CASK: variants seen among roughly 807,000 people sequenced by gnomAD.
CASK encodes calcium/calmodulin dependent serine protein kinase.
In CASK, 4 loss-of-function variants were observed where a neutral mutation model predicts 82.9. The observed-to-expected ratio is 0.05, with a 90% CI of 0.02 to 0.11. The LOEUF (loss-of-function observed/expected upper bound fraction) is 0.11, where lower values mean the gene tolerates loss of function less well. Among genes scored for constraint, CASK ranks in the 10% least tolerant of loss-of-function variants. CASK has a pLI of 1.00. For missense variants in CASK, 358 were observed against 720.9 expected (o/e 0.50, Z 5.76); for synonymous variants, 259 against 253.5 (o/e 1.02, Z -0.20).
chrX:41,882,680 G>A (rs2071973673), intron 1 of CASK, among the ~76,000 whole-genome samples: 1 of 111,141 alleles, frequency 9.0e-6, no homozygotes, highest in South Asian at 3.8e-4. Context: ...ATGAGGACTG[G>A]AACCCAGACC....
chrX:41,881,245 T>C (rs776132498), intron 1 of CASK, among the ~76,000 whole-genome samples: 10 of 111,694 alleles, frequency 9.0e-5, no homozygotes, highest in Admixed American at 1.9e-4. Flanking sequence ...TGCAGTATAC[T>C]AGTAGAAAGA....
intron 16 of CASK, among the ~76,000 whole-genome samples, chrX:41,569,441 A>G (rs1456575920): frequency 9.0e-6 from 1 of 111,614 alleles, no homozygotes. Flanking sequence ...ATGATTTTAA[A>G]AGATTCTTTA....
At chrX:41,574,211 C>T (rs963339825) in intron 15 of CASK, among the ~76,000 whole-genome samples, 3 of 110,676 alleles carry the variant, frequency 2.7e-5, no homozygotes, top group Admixed American at 9.7e-5. Context: ...TTGCTTTGGT[C>T]ACCCCAGACT....
chrX:41,702,246 G>A (rs1247239841), intron 5 of CASK, among the ~76,000 whole-genome samples: 1 of 105,190 alleles, frequency 9.5e-6, no homozygotes, highest in African/African-American at 3.5e-5. Flanking sequence ...TTAGCCAGGC[G>A]TGGTGGCGCA....
At chrX:41,680,240 T>C (rs985621396) in intron 5 of CASK, among the ~76,000 whole-genome samples, 1 of 108,914 alleles carries the variant, frequency 9.2e-6, no homozygotes. Flanking sequence ...TCTCAGCACT[T>C]TGGGAAGCCG....
At chrX:41,824,297 C>T (rs916242905) in intron 2 of CASK, among the ~76,000 whole-genome samples, 1 of 112,269 alleles carries the variant, frequency 8.9e-6, no homozygotes, top group Non-Finnish European at 1.9e-5. Context: ...ACAATCTCTC[C>T]ACTCCTCATG....
chrX:41,814,785 A>G (rs897076266), intron 2 of CASK, among the ~76,000 whole-genome samples: 1 of 112,306 alleles, frequency 8.9e-6, no homozygotes, highest in Non-Finnish European at 1.9e-5. Flanking sequence ...AGGGAAAAAA[A>G]GAGCTTCTAA....
At chrX:41,570,909 C>T (rs1033483936) in intron 15 of CASK, 4 of 111,751 alleles carry the variant, frequency 3.6e-5, no homozygotes, top group Middle Eastern at 4.6e-3. Flanking sequence ...TTGATCATAA[C>T]ATATATATAT....
intron 1 of CASK, among the ~76,000 whole-genome samples, chrX:41,905,215 G>A (rs2072450165): frequency 8.9e-6 from 1 of 112,402 alleles, no homozygotes; most frequent in Non-Finnish European, 1.9e-5. Flanking sequence ...ATAAGTTTCT[G>A]TGTAAATATA....
chrX:41,791,652 G>A (rs1216950082), intron 2 of CASK, among the ~76,000 whole-genome samples: 1 of 107,936 alleles, frequency 9.3e-6, no homozygotes, highest in Non-Finnish European at 1.9e-5. Context: ...GAACCTGGGA[G>A]GCGGAGGTTG....
intron 3 of CASK, among the ~76,000 whole-genome samples, chrX:41,749,376 A>ATTTTTTTTT (rs35045589): frequency 8.3e-5 from 6 of 72,383 alleles, no homozygotes; most frequent in African/African-American, 2.4e-4. Flanking sequence ...TTCTTCACCA[A>ATTTTTTTTT]TTTTTTTTTT....
intron 5 of CASK, among the ~76,000 whole-genome samples, chrX:41,733,617 C>T (rs960801738): frequency 9.2e-6 from 1 of 108,937 alleles, no homozygotes; most frequent in Non-Finnish European, 1.9e-5. Flanking sequence ...GGCATGGTGG[C>T]GGGCACCTGT....
chrX:41,860,790 G>A (rs1329775648), intron 1 of CASK, among the ~76,000 whole-genome samples: 3 of 112,274 alleles, frequency 2.7e-5, no homozygotes, highest in Non-Finnish European at 5.6e-5. Flanking sequence ...CATTGCTACC[G>A]CAAAAAACAC....
At chrX:41,709,642 C>T (rs1158515741) in intron 5 of CASK, among the ~76,000 whole-genome samples, 1 of 111,285 alleles carries the variant, frequency 9.0e-6, no homozygotes, top group Non-Finnish European at 1.9e-5. Context: ...GAATCTATCT[C>T]AGAGATATTT....
chrX:41,652,147 G>A (rs1338602434), intron 8 of CASK, among the ~76,000 whole-genome samples: 2 of 111,241 alleles, frequency 1.8e-5, no homozygotes, highest in African/African-American at 6.5e-5. Flanking sequence ...ATATAAAGGT[G>A]CTGAGGTGAA....
At chrX:41,689,183 G>A (rs1325146315) in intron 5 of CASK, 1 of 112,088 alleles carries the variant, frequency 8.9e-6, no homozygotes, top group Non-Finnish European at 1.9e-5. Flanking sequence ...ATGGTGATAA[G>A]GCTACTCTAA....
intron 1 of CASK, among the ~76,000 whole-genome samples, chrX:41,869,721 A>C (rs749469474): frequency 2.0e-5 from 2 of 97,942 alleles, no homozygotes; most frequent in Non-Finnish European, 4.0e-5. Context: ...GCTGAGGTAC[A>C]GGAATTGCTT....
chrX:41,763,062 A>AG lies in CASK; in HGVS notation c.279-17462dup, dbSNP rs756858908. On this transcript the variant is annotated intron_variant, in intron 3 of 26. Transcript: ENST00000378163. Reference sequence around the variant, plus strand: ...CTTAGGATACTCAGTTCTAGAAAAAAGGGGGGGAAACTGAGATAATCAGAT... The same window carrying AG: ...CTTAGGATACTCAGTTCTAGAAAAAAGGGGGGGGAAACTGAGATAATCAGAT... Among the ~76,000 whole-genome samples, 8 of 110,983 alleles carry AG rather than the reference A, an allele frequency of 7.2e-5. No homozygotes were observed. The East Asian group carries it at 8.5e-4, about 12-fold the overall frequency.
chrX:41,601,136 C>T (rs1298577182), intron 12 of CASK, among the ~76,000 whole-genome samples: 2 of 111,109 alleles, frequency 1.8e-5, no homozygotes, highest in Admixed American at 9.7e-5. Flanking sequence ...TGGGTACAGA[C>T]ATTTAGTTGG....
Sources: allele counts gnomAD v4.1 joint callset (sites outside exome capture counted in the v4.1 genomes callset), GRCh38; gene constraint gnomAD v4.1.1; transcripts MANE v1.5; gene names NCBI Gene and HGNC (gene_info 2026-07-23, HGNC 2026-07-21).